Variants in DLGAP2 observed in about 807,000 individuals in gnomAD.
DLGAP2 encodes the protein disks large-associated protein 2.
DLGAP2 carries 26 observed loss-of-function variants against 100.3 expected under a neutral mutation model. The observed-to-expected ratio is 0.26, with a 90% confidence interval of 0.19 to 0.36. The LOEUF is 0.36. DLGAP2 is among the 10% of genes least tolerant of loss of function. DLGAP2 has a pLI of 1.00. For synonymous variants in DLGAP2, 886 were observed against 630.1 expected (o/e 1.41, Z -6.08); for missense variants, 1,858 against 1,453.2 (o/e 1.28, Z -4.53).
chr8:1,528,439 A>C (rs1800869260), intron 4 of DLGAP2, among the ~76,000 whole-genome samples: 1 of 152,246 alleles, frequency 6.6e-6, no homozygotes. Flanking sequence ...AGCCCAGAGC[A>C]CTGGGAGATC....
chr8:1,185,431 G>A (rs1401567356), intron 2 of DLGAP2, among the ~76,000 whole-genome samples: 2 of 151,970 alleles, frequency 1.3e-5, no homozygotes, highest in African/African-American at 4.8e-5. Context: ...TTTGCCTCTG[G>A]GATGAGATAG....
At chr8:1,138,759 A>G (rs1370538428) in intron 2 of DLGAP2, among the ~76,000 whole-genome samples, 1 of 151,876 alleles carries the variant, frequency 6.6e-6, no homozygotes, top group Non-Finnish European at 1.5e-5. Flanking sequence ...GGCTGGTGGG[A>G]AATTCTTCTT....
At chr8:1,123,943 C>G (rs764068465) in intron 2 of DLGAP2, among the ~76,000 whole-genome samples, 2 of 152,152 alleles carry the variant, frequency 1.3e-5, no homozygotes, top group Non-Finnish European at 2.9e-5. Context: ...AGCATGCATT[C>G]AGGTTGCTCC....
intron 3 of DLGAP2, among the ~76,000 whole-genome samples, chr8:1,481,471 C>CTTTTTTTTTT (rs1165790168): frequency 4.6e-4 from 20 of 43,698 alleles, no homozygotes; most frequent in Non-Finnish European, 5.9e-4. Context: ...TTTTCTTTTT[C>CTTTTTTTTTT]TTTTTTTTTT....
intron 6 of DLGAP2, among the ~76,000 whole-genome samples, chr8:1,596,281 A>G (rs949795737): frequency 1.3e-5 from 2 of 152,254 alleles, no homozygotes; most frequent in East Asian, 3.9e-4. Flanking sequence ...ATTGATGGTC[A>G]TTTGGGTTGG....
At chr8:875,089 CATAAT>C (rs1797664985) in intron 1 of DLGAP2, among the ~76,000 whole-genome samples, 1 of 152,102 alleles carries the variant, frequency 6.6e-6, no homozygotes, top group Non-Finnish European at 1.5e-5. Flanking sequence ...TTGCTGTTAG[CATAAT>C]ATATTTTTCT....
At chr8:1,603,634 A>G (rs1392542548) in intron 6 of DLGAP2, among the ~76,000 whole-genome samples, 1 of 152,256 alleles carries the variant, frequency 6.6e-6, no homozygotes, top group East Asian at 1.9e-4. Flanking sequence ...GAGGCTGGTT[A>G]GAGTGGAGGC....
At chr8:1,085,036 G>T (rs1231430521) in intron 2 of DLGAP2, among the ~76,000 whole-genome samples, 1 of 152,176 alleles carries the variant, frequency 6.6e-6, no homozygotes, top group Non-Finnish European at 1.5e-5. Context: ...GGTATCTTTT[G>T]TCTTTTGGAT....
intron 10 of DLGAP2, among the ~76,000 whole-genome samples, chr8:1,670,898 T>G (rs963909538): frequency 6.6e-6 from 1 of 152,184 alleles, no homozygotes; most frequent in Non-Finnish European, 1.5e-5. Flanking sequence ...AAAGACGGGT[T>G]CCTTCTTTCA....
chr8:1,675,437 T>C (rs1798789725), intron 10 of DLGAP2, among the ~76,000 whole-genome samples: 1 of 152,234 alleles, frequency 6.6e-6, no homozygotes, highest in Non-Finnish European at 1.5e-5. Context: ...GCCTAGTGCC[T>C]GGCGCAGGGT....
At chr8:961,207 A>G (rs1194505703) in intron 2 of DLGAP2, among the ~76,000 whole-genome samples, 1 of 152,218 alleles carries the variant, frequency 6.6e-6, no homozygotes, top group Non-Finnish European at 1.5e-5. Flanking sequence ...GGGCCATACA[A>G]TATCAAGGCC....
rs777372336 is a variant in DLGAP2, at chr8:1,549,624, G to A, written c.1171G>A (p.Asp391Asn). 4.5e-6 allele frequency: 7 copies of A among 1,571,616 alleles called. No homozygotes were observed. Among genetic ancestry groups the A allele is most frequent in the Middle Eastern group, 1.7e-4 (1 of 6,022 alleles). The change falls in exon 5 of 15, where the codon GAC (aspartate) becomes AAC (asparagine). Residue 391 changes from aspartate to asparagine, a missense_variant. By Grantham distance (23) the Asp-to-Asn change is conservative. Transcript: ENST00000637795. Reference protein sequence around the residue: ...EAYRKSSLNLDKPLLHQDAKP... With the variant: ...EAYRKSSLNLNKPLLHQDAKP... The stretch of plus-strand genomic sequence containing the variant: ...CTACCGCAAGAGCTCGCTGAACCTG[G>A]ACAAGCCGCTGCTGCACCAGGACGC...
At chr8:1,508,016 C>T (rs1003367628) in intron 4 of DLGAP2, among the ~76,000 whole-genome samples, 15 of 151,962 alleles carry the variant, frequency 9.9e-5, no homozygotes, top group Non-Finnish European at 4.4e-5. Context: ...CCCTGAGGTG[C>T]AGGGGAGGGT....
intron 2 of DLGAP2, among the ~76,000 whole-genome samples, chr8:984,271 T>G: frequency 6.6e-6 from 1 of 152,232 alleles, no homozygotes. Context: ...CGAGGTGAGC[T>G]GTCTGAGCTG....
Position 1,132,806 on chromosome 8 carries a change from G to C in DLGAP2, c.74-126045G>C, listed in dbSNP as rs189507844. 9.2e-5 allele frequency among the ~76,000 whole-genome samples: 14 copies of C among 152,288 alleles called. No homozygotes were observed. The East Asian group carries it at 2.5e-3, about 27-fold the overall frequency. Reference sequence around the variant, plus strand: ...CCACACATTGGTTTAAGCTTAGAAGGGCAGGACGCCCAGTCGCTGGGGCTC... The same window carrying C: ...CCACACATTGGTTTAAGCTTAGAAGCGCAGGACGCCCAGTCGCTGGGGCTC... On this transcript the variant is annotated intron_variant, in intron 2 of 14. Transcript: ENST00000637795.
rs144613751 is a variant in DLGAP2 at position 1,036,935 on chromosome 8, T to C, written c.73+128969T>C. On this transcript the variant is annotated intron_variant, in intron 2 of 14. Coordinates refer to ENST00000637795, the MANE Select transcript of DLGAP2 (RefSeq NM_001346810.2). ...AGGTGTGACCCCCTCCCGGCACAGT[T>C]CCTAAAGTCCGTGCTCCTGGTTTCC... is the stretch of plus-strand genomic sequence containing the variant. Among the ~76,000 whole-genome samples, 924 of 151,968 alleles carry C rather than the reference T, an allele frequency of 6.1e-3. 11 individuals are homozygous for C. Among genetic ancestry groups the C allele is most frequent in the African/African-American group, 0.021 (869 of 41,436 alleles).
At chr8:836,580 T>G (rs1796880559) in intron 1 of DLGAP2, among the ~76,000 whole-genome samples, 1 of 152,176 alleles carries the variant, frequency 6.6e-6, no homozygotes, top group Non-Finnish European at 1.5e-5. Context: ...GCCAGCGTCT[T>G]GTGGGAATAA....
chr8:1,259,422 C>G (rs796116436), intron 3 of DLGAP2, among the ~76,000 whole-genome samples: 2 of 152,350 alleles, frequency 1.3e-5, no homozygotes, highest in African/African-American at 4.8e-5. Context: ...CTGTTTGGAA[C>G]TAGTGAAAGC....
chr8:975,867 G>A lies in DLGAP2; in HGVS notation c.73+67901G>A, dbSNP rs542263937. Among the ~76,000 whole-genome samples the A allele has an allele frequency of 5.9e-5, 9 of 152,226 alleles. No individual in the cohort carries two copies. In the South Asian group the frequency reaches 1.9e-3, roughly 32 times the overall value. On this transcript the variant is annotated intron_variant, in intron 2 of 14. Coordinates refer to ENST00000637795, the MANE Select transcript of DLGAP2 (RefSeq NM_001346810.2). ...AAGTTTGAGCAAATGCAATGAGACA[G>A]GAAAAGGAAATAAAAGCTGTACAGA...
Sources: gnomAD v4.1 joint callset for allele counts (sites outside exome capture counted in the v4.1 genomes callset) on GRCh38, gnomAD v4.1.1 for gene constraint, MANE v1.5 for transcripts, NCBI Gene and HGNC (gene_info 2026-07-23, HGNC 2026-07-21) for gene names.